Variants in ANGPT1 observed in about 807,000 individuals in gnomAD.
ANGPT1 encodes angiopoietin-1.
A neutral mutation model predicts 62.2 loss-of-function variants in ANGPT1; 17 were observed. The observed-to-expected ratio is 0.27, with a 90% CI of 0.19 to 0.41. The LOEUF (loss-of-function observed/expected upper bound fraction) is 0.41, where lower values mean the gene tolerates loss of function less well. Among genes scored for constraint, ANGPT1 ranks in the 10% least tolerant of loss-of-function variants. The probability of loss-of-function intolerance (pLI) is 1.00; values close to 1 mark genes in which losing one functional copy is unlikely to be tolerated. For synonymous variants in ANGPT1, 199 were observed against 198.9 expected, an observed-to-expected ratio of 1.00 and a Z score of 0.00; for missense variants, 478 against 594.9, an observed-to-expected ratio of 0.80 and a Z score of 2.04.
At chr8:107,297,559 T>G (rs1342165309) in intron 5 of ANGPT1, among the ~76,000 whole-genome samples, 1 of 144,954 alleles carries the variant, frequency 6.9e-6, no homozygotes, top group Non-Finnish European at 1.5e-5. Context: ...AATATTTAAA[T>G]TTAATATACT....
At chr8:107,430,538 T>G (rs1331156382) in intron 1 of ANGPT1, among the ~76,000 whole-genome samples, 2 of 152,176 alleles carry the variant, frequency 1.3e-5, no homozygotes, top group Non-Finnish European at 1.5e-5. Context: ...CTTCTAAACC[T>G]TGGAACTTGT....
At chr8:107,285,235 G>A (rs182645536) in intron 6 of ANGPT1, among the ~76,000 whole-genome samples, 3 of 152,102 alleles carry the variant, frequency 2.0e-5, no homozygotes, top group African/African-American at 7.2e-5. Context: ...AACACTATGA[G>A]AGTGATATTA....
At chr8:107,385,491 A>AGATC (rs1397636447) in intron 1 of ANGPT1, among the ~76,000 whole-genome samples, 7 of 152,042 alleles carry the variant, frequency 4.6e-5, no homozygotes, top group African/African-American at 1.7e-4. Context: ...GTATCCTGAA[A>AGATC]CTTTGCTGAA....
At chr8:107,269,042 C>G (rs1224083784) in intron 7 of ANGPT1, among the ~76,000 whole-genome samples, 1 of 152,050 alleles carries the variant, frequency 6.6e-6, no homozygotes, top group African/African-American at 2.4e-5. Context: ...GATGAAATGT[C>G]ATAAAAATCA....
At chr8:107,341,360 G>A (rs575732597) in intron 2 of ANGPT1, among the ~76,000 whole-genome samples, 97 of 152,028 alleles carry the variant, frequency 6.4e-4, no homozygotes, top group African/African-American at 2.1e-3. Flanking sequence ...TGACAAAACA[G>A]CCCAGTTTCT....
intron 1 of ANGPT1, among the ~76,000 whole-genome samples, chr8:107,411,429 A>G (rs1030179230): frequency 4.6e-5 from 7 of 152,196 alleles, no homozygotes; most frequent in Non-Finnish European, 8.8e-5. Flanking sequence ...CACCTACATC[A>G]TTCAATGAAA....
Position 107,400,052 on chromosome 8 carries a change from T to A in ANGPT1, c.298-52955A>T, listed in dbSNP as rs148795659. ...GAGAGTGGGACTTTTTCTTAACATG[T>A]AGGTATTTATTAAATACAAACCAAT... On this transcript the variant is annotated intron_variant, in intron 1 of 8. Transcript: ENST00000517746. Among the ~76,000 whole-genome samples, 132 of 152,294 alleles carry A rather than the reference T, an allele frequency of 8.7e-4. No homozygotes were observed. The East Asian group carries it at 0.02, about 23-fold the overall frequency.
intron 1 of ANGPT1, among the ~76,000 whole-genome samples, chr8:107,382,211 T>C (rs899286772): frequency 6.6e-6 from 1 of 152,206 alleles, no homozygotes; most frequent in Non-Finnish European, 1.5e-5. Context: ...AGGTCATAAA[T>C]CTGGAGAAAT....
Position 107,261,713 on chromosome 8 carries a change from A to AG in ANGPT1, c.1336+2507_1336+2508insC, listed in dbSNP as rs1813496299. 3.3e-5 allele frequency among the ~76,000 whole-genome samples: 5 copies of AG among 151,930 alleles called. No individual in the cohort carries two copies. The South Asian group carries it at 8.3e-4, about 25-fold the overall frequency. On this transcript the variant is annotated intron_variant, in intron 8 of 8. Coordinates refer to ENST00000517746, the MANE Select transcript of ANGPT1 (RefSeq NM_001146.5). ...GAGCAAGACTCCATCTAAAAAAAAAAAAAGAAAGAAAGAAAGAATATGATA... is the reference window on the plus strand; with the variant it reads ...GAGCAAGACTCCATCTAAAAAAAAAAGAAAGAAAGAAAGAAAGAATATGATA...
intron 1 of ANGPT1, among the ~76,000 whole-genome samples, chr8:107,385,889 A>T (rs79153586): frequency 2.0e-5 from 3 of 152,222 alleles, no homozygotes; most frequent in Non-Finnish European, 4.4e-5. Flanking sequence ...TGAAATGATC[A>T]TGAGGTTTTT....
intron 1 of ANGPT1, among the ~76,000 whole-genome samples, chr8:107,482,695 C>A (rs1812720365): frequency 6.6e-6 from 1 of 152,098 alleles, no homozygotes; most frequent in Non-Finnish European, 1.5e-5. Context: ...CTTTTTCTAC[C>A]TTGTTAAATT....
intron 1 of ANGPT1, among the ~76,000 whole-genome samples, chr8:107,471,094 A>G (rs1368988968): frequency 1.3e-5 from 2 of 152,130 alleles, no homozygotes; most frequent in African/African-American, 2.4e-5. Context: ...ACACATGCCC[A>G]CGTATGTTTA....
Position 107,251,445 on chromosome 8 carries a change from A to C in ANGPT1, c.*410T>G, listed in dbSNP as rs2129974997. 5.9e-6 allele frequency: 1 copy of C among 168,142 alleles called. No homozygotes were observed. The highest frequency in any genetic ancestry group is 5.7e-5 in the Admixed American group (1 of 17,584). The allele number at this position is 168,142 out of a possible 1,614,324, so 10.4% of individuals were successfully genotyped here. On this transcript the variant is annotated 3_prime_UTR_variant, in exon 9 of 9. Coordinates refer to ENST00000517746, the MANE Select transcript of ANGPT1 (RefSeq NM_001146.5). ...TGGTATAATACATCTTTTCCAAAGG[A>C]TTATGGCAGGCTTGTTTCTATTCTT...
At chr8:107,356,055 T>C (rs1167951068) in intron 1 of ANGPT1, among the ~76,000 whole-genome samples, 1 of 152,240 alleles carries the variant, frequency 6.6e-6, no homozygotes, top group East Asian at 1.9e-4. Flanking sequence ...CTTAGCTTAG[T>C]TCCATTTGTT....
intron 1 of ANGPT1, among the ~76,000 whole-genome samples, chr8:107,414,643 C>T (rs1586302385): frequency 6.6e-6 from 1 of 152,116 alleles, no homozygotes; most frequent in Admixed American, 6.6e-5. Flanking sequence ...AACCAGTAAC[C>T]TCATCCAAAC....
intron 2 of ANGPT1, among the ~76,000 whole-genome samples, chr8:107,340,137 A>C (rs1488071694): frequency 6.6e-6 from 1 of 152,226 alleles, no homozygotes. Flanking sequence ...GCTGCTTAGC[A>C]ATAGTTGAAG....
chr8:107,427,075 C>T (rs1248204801), intron 1 of ANGPT1, among the ~76,000 whole-genome samples: 3 of 152,186 alleles, frequency 2.0e-5, no homozygotes, highest in African/African-American at 7.2e-5. Context: ...TATGGGTCCA[C>T]ACTCTGTTCC....
At chr8:107,279,100 A>T (rs1219448606) in intron 7 of ANGPT1, among the ~76,000 whole-genome samples, 1 of 151,984 alleles carries the variant, frequency 6.6e-6, no homozygotes, top group African/African-American at 2.4e-5. Flanking sequence ...CCTACAATAA[A>T]TCTGCTATTA....
intron 1 of ANGPT1, among the ~76,000 whole-genome samples, chr8:107,408,152 C>T (rs76028472): frequency 2.6e-3 from 400 of 152,294 alleles, no homozygotes; most frequent in Non-Finnish European, 4.7e-3. Flanking sequence ...GTTTATCCAG[C>T]ATTAGTAACA....
Sources: allele counts gnomAD v4.1 joint callset (sites outside exome capture counted in the v4.1 genomes callset), GRCh38; gene constraint gnomAD v4.1.1; transcripts MANE v1.5; gene names NCBI Gene and HGNC (gene_info 2026-07-23, HGNC 2026-07-21).